Variants in RSPRY1 observed in about 807,000 individuals in gnomAD.
RSPRY1 encodes the protein RING finger and SPRY domain-containing protein 1.
Under a neutral mutation model 73.1 loss-of-function variants are expected in RSPRY1, and 23 were observed. The ratio of observed to expected loss-of-function variants is 0.31; its 90% CI spans 0.23 to 0.45. RSPRY1 has a LOEUF of 0.45. Among genes scored for constraint, RSPRY1 ranks in the 20% least tolerant of loss-of-function variants. RSPRY1 has a pLI of 1.00. For synonymous variants in RSPRY1, 226 were observed against 251.4 expected, an observed-to-expected ratio of 0.90 and a Z score of 0.95; for missense variants, 448 against 698.7, an observed-to-expected ratio of 0.64 and a Z score of 4.05.
At chr16:57,191,051 T>C (rs973383699) in intron 1 of RSPRY1, among the ~76,000 whole-genome samples, 1 of 152,212 alleles carries the variant, frequency 6.6e-6, no homozygotes, top group African/African-American at 2.4e-5. Flanking sequence ...CTTGAAATTA[T>C]AGTTTCCAGG....
At chr16:57,226,721 T>G (rs2075126686) in intron 10 of RSPRY1, among the ~76,000 whole-genome samples, 1 of 152,224 alleles carries the variant, frequency 6.6e-6, no homozygotes, top group Non-Finnish European at 1.5e-5. Flanking sequence ...GCTTCTTTAT[T>G]GCATCCTGTT....
At chr16:57,231,618 CG>C (rs2075221541) in intron 13 of RSPRY1, among the ~76,000 whole-genome samples, 1 of 152,090 alleles carries the variant, frequency 6.6e-6, no homozygotes, top group African/African-American at 2.4e-5. Flanking sequence ...CCCAGAAAGA[CG>C]GAACACTTTC....
chr16:57,196,526 A>G (rs753788606), intron 1 of RSPRY1, among the ~76,000 whole-genome samples: 2 of 152,158 alleles, frequency 1.3e-5, no homozygotes, highest in Non-Finnish European at 2.9e-5. Flanking sequence ...GGCATCCCAG[A>G]AATTCTGATT....
chr16:57,213,911 A>C lies in RSPRY1; in HGVS notation c.667A>C (p.Ser223Arg), dbSNP rs1391656456. ...AGGTCCTGCAAGTATAGGTTTACTT[A>C]GCCCAGGAATACTGGAATACTTGCT... ...LAGPASIGLL[S>R]PGILEYLLQC... The change falls in exon 6 of 15, where the codon AGC becomes CGC. Residue 223 changes from serine (S) to arginine (R), a missense_variant. Coordinates refer to ENST00000394420, the MANE Select transcript of RSPRY1 (RefSeq NM_133368.3). 3 of 1,608,942 alleles carry C rather than the reference A, an allele frequency of 1.9e-6. No homozygotes were observed. The highest frequency in any genetic ancestry group is 2.6e-6 in the Non-Finnish European group (3 of 1,175,196).
At chr16:57,219,357 C>T (rs1165819311) in intron 8 of RSPRY1, among the ~76,000 whole-genome samples, 1 of 152,150 alleles carries the variant, frequency 6.6e-6, no homozygotes, top group Admixed American at 6.5e-5. Context: ...GCCATTTTTA[C>T]TGGGGTGAGA....
chr16:57,194,134 G>A (rs1192512940), intron 1 of RSPRY1, among the ~76,000 whole-genome samples: 3 of 152,128 alleles, frequency 2.0e-5, no homozygotes, highest in Non-Finnish European at 4.4e-5. Flanking sequence ...GTTTATTGAA[G>A]TCTAATTAGT....
At chr16:57,224,541 A>G (rs2075091408) in intron 10 of RSPRY1, 1 of 152,258 alleles carries the variant, frequency 6.6e-6, no homozygotes, top group South Asian at 2.1e-4. Context: ...ATAAATACCA[A>G]GCTAACCACT....
At chr16:57,223,251 C>A (rs920772882) in intron 10 of RSPRY1, among the ~76,000 whole-genome samples, 8 of 152,144 alleles carry the variant, frequency 5.3e-5, no homozygotes, top group Non-Finnish European at 8.8e-5. Flanking sequence ...CTAGGATACA[C>A]CCAGTTTCAA....
chr16:57,222,103 G>T (rs1405401380), intron 10 of RSPRY1, among the ~76,000 whole-genome samples: 2 of 152,042 alleles, frequency 1.3e-5, no homozygotes, highest in African/African-American at 2.4e-5. Context: ...TTTTCATATG[G>T]TTTCTACCAT....
intron 7 of RSPRY1, chr16:57,216,466 C>T: frequency 2.6e-6 from 1 of 383,440 alleles, no homozygotes; most frequent in Non-Finnish European, 4.7e-6. Flanking sequence ...GCCCATAATC[C>T]CAGCACTTTG....
At chr16:57,207,954 A>G in intron 2 of RSPRY1, 104 bp from the exon 3 acceptor site, 3 of 727,286 alleles carry the variant, frequency 4.1e-6, no homozygotes, top group Non-Finnish European at 7.2e-6. Flanking sequence ...ATTTGTGTTC[A>G]TTTCTTCTGT....
Position 57,239,038 on chromosome 16 carries a change from AG to A in RSPRY1, c.*64del. 2.2e-6 allele frequency: 2 copies of A among 889,572 alleles called. No homozygotes were observed. Among genetic ancestry groups the A allele is most frequent in the Non-Finnish European group, 1.7e-6 (1 of 580,084 alleles). 55.1% of individuals were successfully genotyped at this position (889,572 alleles called of 1,614,324 possible). ...ATTCCAGCCAATGTTGAAAAGAAAA[AG>A]AAAAAAAAAACTCTCTAATCAGTTG... On this transcript the variant is annotated 3_prime_UTR_variant, in exon 15 of 15. Coordinates refer to ENST00000394420, the MANE Select transcript of RSPRY1 (RefSeq NM_133368.3).
intron 2 of RSPRY1, 62 bp from the exon 3 acceptor site, chr16:57,207,996 T>C (rs1597883445): frequency 9.7e-7 from 1 of 1,034,072 alleles, no homozygotes; most frequent in East Asian, 2.4e-5. Context: ...CAGTTTGAAT[T>C]CTTATTTGGA....
Position 57,208,070 on chromosome 16 carries a change from T to C in RSPRY1, c.363T>C (p.Pro121=). 1 of 1,592,346 alleles carries C rather than the reference T, an allele frequency of 6.3e-7. No individual in the cohort carries two copies. The change falls in exon 3 of 15, where the codon CCT becomes CCC. Residue 121 remains proline (P), a synonymous_variant. Transcript: ENST00000394420. ...IRTLVDNDQE[P]PYSMITLHEM... is the part of the protein sequence containing the mutation. ...TTTTTTTTTCCAGTGATCAGGAACC[T>C]CCCTATTCAATGATAACATTACACG...
At chr16:57,205,178 T>C (rs2074701799) in intron 2 of RSPRY1, 170 bp downstream of exon 2, 1 of 589,798 alleles carries the variant, frequency 1.7e-6, no homozygotes, top group East Asian at 2.8e-5. Flanking sequence ...TGATAAGATT[T>C]GATGTTTTTG....
intron 10 of RSPRY1, among the ~76,000 whole-genome samples, chr16:57,226,593 T>TA (rs2075124968): frequency 6.6e-6 from 1 of 152,198 alleles, no homozygotes; most frequent in South Asian, 2.1e-4. Flanking sequence ...TGGCACCTGT[T>TA]AGAGTGTCTT....
At chr16:57,222,145 G>A (rs1053503854) in intron 10 of RSPRY1, among the ~76,000 whole-genome samples, 7 of 152,078 alleles carry the variant, frequency 4.6e-5, no homozygotes, top group African/African-American at 1.7e-4. Context: ...GGATTATTTT[G>A]TTAATCTAAA....
At chr16:57,201,526 C>T (rs1350053297) in intron 1 of RSPRY1, among the ~76,000 whole-genome samples, 1 of 151,930 alleles carries the variant, frequency 6.6e-6, no homozygotes, top group East Asian at 1.9e-4. Context: ...GGCGGCCAGG[C>T]AGAGACACTC....
chr16:57,231,628 T>C (rs1363390397), intron 13 of RSPRY1, among the ~76,000 whole-genome samples: 2 of 152,206 alleles, frequency 1.3e-5, no homozygotes, highest in Admixed American at 6.5e-5. Flanking sequence ...CGGAACACTT[T>C]CAAATTTTTT....
Sources: allele counts gnomAD v4.1 joint callset (sites outside exome capture counted in the v4.1 genomes callset), GRCh38; gene constraint gnomAD v4.1.1; transcripts MANE v1.5; gene names NCBI Gene and HGNC (gene_info 2026-07-23, HGNC 2026-07-21).